MIPEP: variants seen among roughly 807,000 people sequenced by gnomAD.
MIPEP encodes the protein mitochondrial intermediate peptidase.
A neutral mutation model predicts 90.3 loss-of-function variants in MIPEP; 79 were observed. The ratio of observed to expected loss-of-function variants is 0.87; its 90% confidence interval spans 0.73 to 1.05. The LOEUF (loss-of-function observed/expected upper bound fraction) is 1.05. Ranked by LOEUF, MIPEP falls within the 50% of genes least tolerant of loss-of-function variation. The pLI, the probability that MIPEP is intolerant of heterozygous loss-of-function variation, is 0.00. For missense variants in MIPEP, 940 were observed against 905.6 expected (o/e 1.04, Z -0.49); for synonymous variants, 334 against 315.8 (o/e 1.06, Z -0.61).
intron 16 of MIPEP, among the ~76,000 whole-genome samples, chr13:23,783,337 C>T (rs1055217719): frequency 2.0e-5 from 3 of 152,082 alleles, no homozygotes; most frequent in East Asian, 1.9e-4. Flanking sequence ...ATAAACAGAA[C>T]CAAAGACAAA....
intron 16 of MIPEP, chr13:23,760,484 T>C (rs763104422): frequency 9.4e-6 from 6 of 640,914 alleles, no homozygotes; most frequent in Non-Finnish European, 3.0e-6. Context: ...TCCAAAGACG[T>C]GATTAAGTAA....
At position 23,805,958 on chromosome 13, in the gene MIPEP, G is replaced by C. The variant is rs756528867; in HGVS notation, c.1840C>G (p.Pro614Ala). 2.5e-6 allele frequency: 4 copies of C among 1,613,746 alleles called. No homozygotes were observed. The highest frequency in any genetic ancestry group is 3.3e-5 in the Admixed American group (2 of 59,996). ...QEKFYGLPYV[P>A]NTAWQLRFSH... Reference sequence around the variant, plus strand: ...CCAAATGCTGGACTCACAGTATTTGGAACATATGGTAGGCCATAGAATTTC... The same window carrying C: ...CCAAATGCTGGACTCACAGTATTTGCAACATATGGTAGGCCATAGAATTTC... Residue 614 changes from proline to alanine, a missense_variant, in exon 16 of 19, where the codon CCA (proline) becomes GCA (alanine). Transcript: ENST00000382172.
intron 18 of MIPEP, among the ~76,000 whole-genome samples, chr13:23,732,206 C>G (rs1952213736): frequency 6.6e-6 from 1 of 151,914 alleles, no homozygotes; most frequent in Non-Finnish European, 1.5e-5. Context: ...CCAGGCTGGT[C>G]TTGAACTTCT....
At chr13:23,857,282 T>C (rs1412989047) in intron 10 of MIPEP, among the ~76,000 whole-genome samples, 1 of 152,200 alleles carries the variant, frequency 6.6e-6, no homozygotes, top group African/African-American at 2.4e-5. Context: ...CAAATTATTA[T>C]AGACTTTGAA....
intron 16 of MIPEP, among the ~76,000 whole-genome samples, chr13:23,762,934 G>A (rs1952563770): frequency 1.3e-5 from 2 of 152,306 alleles, no homozygotes; most frequent in South Asian, 4.2e-4. Flanking sequence ...AATGTGGCCT[G>A]CACAGTCTTT....
At chr13:23,817,006 G>A (rs568434183) in intron 14 of MIPEP, among the ~76,000 whole-genome samples, 6 of 152,238 alleles carry the variant, frequency 3.9e-5, no homozygotes, top group African/African-American at 1.2e-4. Flanking sequence ...GTATCTCTCT[G>A]GATTCAGACA....
At chr13:23,879,976 C>T (rs1195787212) in intron 3 of MIPEP, among the ~76,000 whole-genome samples, 1 of 152,074 alleles carries the variant, frequency 6.6e-6, no homozygotes, top group African/African-American at 2.4e-5. Flanking sequence ...TAGCAGGAAC[C>T]CAGTCCTCTT....
chr13:23,884,733 T>G (rs1256917331), intron 2 of MIPEP, among the ~76,000 whole-genome samples: 1 of 152,212 alleles, frequency 6.6e-6, no homozygotes, highest in Non-Finnish European at 1.5e-5. Flanking sequence ...GAATATAAAC[T>G]CCATGAAGTA....
intron 9 of MIPEP, among the ~76,000 whole-genome samples, chr13:23,860,988 T>C (rs1870277353): frequency 6.6e-6 from 1 of 152,130 alleles, no homozygotes; most frequent in African/African-American, 2.4e-5. Flanking sequence ...ACACAGATTG[T>C]GGAGCTCACC....
chr13:23,807,761 T>C (rs2137404455), intron 15 of MIPEP, among the ~76,000 whole-genome samples: 1 of 152,332 alleles, frequency 6.6e-6, no homozygotes, highest in African/African-American at 2.4e-5. Flanking sequence ...TCAACTGAGG[T>C]GTTATTTTGC....
chr13:23,861,703 T>C (rs999464697), intron 9 of MIPEP, among the ~76,000 whole-genome samples: 4 of 152,194 alleles, frequency 2.6e-5, no homozygotes, highest in African/African-American at 4.8e-5. Context: ...CAAATGGGAA[T>C]GAGTCCTAAT....
intron 16 of MIPEP, among the ~76,000 whole-genome samples, chr13:23,795,925 G>T (rs1952954411): frequency 6.6e-6 from 1 of 151,796 alleles, no homozygotes; most frequent in Non-Finnish European, 1.5e-5. Context: ...GAGCCTTGAG[G>T]TTAAGGCTGC....
intron 2 of MIPEP, among the ~76,000 whole-genome samples, chr13:23,883,101 A>G (rs1178053159): frequency 6.6e-6 from 1 of 152,038 alleles, no homozygotes; most frequent in Non-Finnish European, 1.5e-5. Flanking sequence ...AAATTCAGAT[A>G]TTTTTAAGAT....
intron 14 of MIPEP, among the ~76,000 whole-genome samples, chr13:23,829,840 A>G (rs1868652402): frequency 6.6e-6 from 1 of 152,164 alleles, no homozygotes; most frequent in East Asian, 1.9e-4. Context: ...ATCAGAGAAC[A>G]CTGCTGCTAA....
Position 23,881,790 on chromosome 13 carries a change from A to C in MIPEP, c.364-3T>G, listed in dbSNP as rs531615650. On this transcript the variant is annotated splice_region_variant and splice_polypyrimidine_tract_variant and intron_variant, in intron 2 of 18. Coordinates refer to ENST00000382172, the MANE Select transcript of MIPEP (RefSeq NM_005932.4). The stretch of plus-strand genomic sequence containing the variant: ...TGAGCGATTTTCACAAAATCAGCCT[A>C]ATAAAGGGGAAAGACAAAACCAAAA... 3 of 1,610,786 alleles carry C rather than the reference A, an allele frequency of 1.9e-6. No homozygotes were observed. The East Asian group carries it at 6.7e-5, about 36-fold the overall frequency.
intron 16 of MIPEP, among the ~76,000 whole-genome samples, chr13:23,765,001 T>C (rs1035636660): frequency 1.3e-5 from 2 of 152,244 alleles, no homozygotes; most frequent in Non-Finnish European, 2.9e-5. Context: ...TCCACTTATA[T>C]GTGGATTTCT....
intron 13 of MIPEP, among the ~76,000 whole-genome samples, 168 bp downstream of exon 13, chr13:23,837,384 G>T (rs1869100413): frequency 1.3e-5 from 2 of 152,148 alleles, no homozygotes; most frequent in Non-Finnish European, 2.9e-5. Context: ...AAGCATGGAA[G>T]ATCAGGCTGC....
chr13:23,865,899 G>C (rs9507181), intron 7 of MIPEP, among the ~76,000 whole-genome samples: 7,197 of 152,120 alleles, frequency 0.047, 230 homozygotes, highest in Middle Eastern at 0.072. Flanking sequence ...TTGAACTCCT[G>C]ACCTCAAGTG....
chr13:23,882,974 G>A lies in MIPEP; in HGVS notation c.364-1187C>T, dbSNP rs1293025730. 2.6e-5 allele frequency among the ~76,000 whole-genome samples: 4 copies of A among 151,994 alleles called. No homozygotes were observed. In the East Asian group the frequency reaches 7.7e-4, roughly 29 times the overall value. ...TGTAATAGTGATGAGGAAAACAGTT[G>A]TTACATAAAAACTGTATTAAAAAAG... is the stretch of plus-strand genomic sequence containing the variant. On this transcript the variant is annotated intron_variant, in intron 2 of 18. Coordinates refer to ENST00000382172, the MANE Select transcript of MIPEP (RefSeq NM_005932.4).
Sources: gnomAD v4.1 joint callset for allele counts (sites outside exome capture counted in the v4.1 genomes callset) on GRCh38, gnomAD v4.1.1 for gene constraint, MANE v1.5 for transcripts, NCBI Gene and HGNC (gene_info 2026-07-23, HGNC 2026-07-21) for gene names.